The following TGFB2 variants were observed in gnomAD, a reference collection of about 807,000 sequenced individuals.
TGFB2 encodes transforming growth factor beta-2 proprotein.
TGFB2 carries 13 observed loss-of-function variants against 42.7 expected under a neutral mutation model. That is an observed-to-expected ratio of 0.30 (90% CI 0.20 to 0.48). The LOEUF is 0.48. Among genes scored for constraint, TGFB2 ranks in the 20% least tolerant of loss-of-function variants. TGFB2 has a pLI of 0.99. For missense variants in TGFB2, 390 were observed against 517.5 expected (o/e 0.75, Z 2.39); for synonymous variants, 193 against 193.6 (o/e 1.00, Z 0.03).
At position 218,405,304 on chromosome 1, in the gene TGFB2, T is replaced by G. The variant is rs1160416926; in HGVS notation, c.482T>G (p.Val161Gly). The G allele has an allele frequency of 6.2e-7, 1 of 1,613,980 alleles. No homozygotes were observed. The highest frequency in any genetic ancestry group is 8.5e-7 in the Non-Finnish European group (1 of 1,180,028). The change falls in exon 2 of 7, where the codon GTG becomes GGG. Residue 161 changes from valine (V) to glycine (G), a missense_variant. Physicochemically the swap from Val to Gly is moderately radical, Grantham distance 109. Coordinates refer to ENST00000366930, the MANE Select transcript of TGFB2 (RefSeq NM_003238.6). Reference protein sequence around the residue: ...VFRLQNPKARVPEQRIELYQI... With the variant: ...VFRLQNPKARGPEQRIELYQI... ...CGTTTGCAGAACCCAAAAGCCAGAG[T>G]GCCTGAACAACGGATTGAGCTATAT...
chr1:218,393,447 G>A (rs960258931), intron 1 of TGFB2, among the ~76,000 whole-genome samples: 2 of 152,182 alleles, frequency 1.3e-5, no homozygotes, highest in African/African-American at 4.8e-5. Context: ...TTCATTAAAG[G>A]AATCAACACA....
intron 1 of TGFB2, among the ~76,000 whole-genome samples, chr1:218,381,252 G>GT (rs1260759095): frequency 2.4e-4 from 31 of 129,404 alleles, no homozygotes; most frequent in African/African-American, 4.4e-4. Context: ...TTTTGTTTTT[G>GT]TTTTTGTTTT....
intron 1 of TGFB2, among the ~76,000 whole-genome samples, chr1:218,355,389 A>G (rs1275138525): frequency 6.6e-6 from 1 of 152,252 alleles, no homozygotes; most frequent in Non-Finnish European, 1.5e-5. Context: ...GAATTGTACC[A>G]AAGGAATCTC....
chr1:218,366,229 AT>A (rs1327777653), intron 1 of TGFB2, among the ~76,000 whole-genome samples: 33 of 152,274 alleles, frequency 2.2e-4, no homozygotes. Flanking sequence ...GGCAAATATA[AT>A]TTTTTAAAAA....
intron 1 of TGFB2, among the ~76,000 whole-genome samples, chr1:218,395,197 G>T (rs78625895): frequency 1.3e-5 from 2 of 152,264 alleles, no homozygotes; most frequent in African/African-American, 4.8e-5. Context: ...AATGTATGGG[G>T]ATCTGAAAGA....
chr1:218,441,496 C>A lies in TGFB2; in HGVS notation c.*134C>A. The A allele has an allele frequency of 2.2e-6, 2 of 894,296 alleles. No individual in the cohort carries two copies. The highest frequency in any genetic ancestry group is 3.2e-6 in the Non-Finnish European group (2 of 620,888). 55.4% of individuals were successfully genotyped at this position (894,296 alleles called of 1,614,324 possible). ...CAGTGTTAAAAAATTTTTGAAAAGG[C>A]GGTACTAGTTCAGACACTTTGGAAG... On this transcript the variant is annotated 3_prime_UTR_variant, in exon 7 of 7. Transcript: ENST00000366930.
chr1:218,409,088 C>T (rs543414773), intron 2 of TGFB2, among the ~76,000 whole-genome samples: 7 of 152,194 alleles, frequency 4.6e-5, no homozygotes, highest in South Asian at 2.1e-4. Flanking sequence ...AATCTAATGC[C>T]GCCGCTAATC....
chr1:218,434,528 A>G (rs1659910266), intron 4 of TGFB2, 80 bp downstream of exon 4: 1 of 902,458 alleles, frequency 1.1e-6, no homozygotes. Flanking sequence ...ATCAGTTTGC[A>G]TGTGAAAATG....
chr1:218,349,490 T>G (rs1424408711), intron 1 of TGFB2, among the ~76,000 whole-genome samples: 2 of 152,222 alleles, frequency 1.3e-5, no homozygotes, highest in Non-Finnish European at 2.9e-5. Flanking sequence ...GGAGTGTGCC[T>G]GTCATTCCTT....
intron 2 of TGFB2, among the ~76,000 whole-genome samples, chr1:218,417,929 T>C (rs1445992490): frequency 6.6e-6 from 1 of 152,202 alleles, no homozygotes; most frequent in Non-Finnish European, 1.5e-5. Flanking sequence ...TTTCAGAAGA[T>C]GTGTGGAAAT....
rs886045963 is a variant in TGFB2 at position 218,346,020 on chromosome 1, C to G, written c.-682C>G. 6.6e-6 allele frequency among the ~76,000 whole-genome samples: 1 copy of G among 151,590 alleles called. No individual in the cohort carries two copies. Among genetic ancestry groups the G allele is most frequent in the Non-Finnish European group, 1.5e-5 (1 of 67,924 alleles). On this transcript the variant is annotated 5_prime_UTR_variant, in exon 1 of 7. Transcript: ENST00000366930. This position sits in a 1 kb window ranked among gnomAD's most constrained non-coding sequence, Gnocchi z 4.9. ...GCCCTGCGAAGCGCACCCTCCTCCC[C>G]GCGGTGCGCTGGGCTCGCCCCCAGC... is the stretch of plus-strand genomic sequence containing the variant.
chr1:218,371,650 A>G (rs1400007267), intron 1 of TGFB2, among the ~76,000 whole-genome samples: 1 of 152,214 alleles, frequency 6.6e-6, no homozygotes, highest in Admixed American at 6.5e-5. Flanking sequence ...ATGCAGTGAT[A>G]TCTTTGAGCC....
intron 4 of TGFB2, 144 bp from the exon 5 acceptor site, chr1:218,435,826 C>T: frequency 1.3e-6 from 1 of 780,302 alleles, no homozygotes; most frequent in Non-Finnish European, 2.0e-6. Flanking sequence ...ATATCTATTT[C>T]CATGGGGAAT....
At position 218,442,656 on chromosome 1, in the gene TGFB2, G is replaced by A. The variant is rs1403919480; in HGVS notation, c.*1294G>A. 1.3e-5 allele frequency: 2 copies of A among 151,504 alleles called. No individual in the cohort carries two copies. The highest frequency in any genetic ancestry group is 1.9e-4 in the East Asian group (1 of 5,178). 9.4% of individuals were successfully genotyped at this position (151,504 alleles called of 1,614,324 possible). On this transcript the variant is annotated 3_prime_UTR_variant, in exon 7 of 7. Transcript: ENST00000366930. The stretch of plus-strand genomic sequence containing the variant: ...TCATTATTATGACATAAGCTACCTG[G>A]GTCCACTTGTCTTTTCTTTTTTTTG...
At chr1:218,373,566 T>C (rs1657644017) in intron 1 of TGFB2, among the ~76,000 whole-genome samples, 1 of 152,024 alleles carries the variant, frequency 6.6e-6, no homozygotes, top group Non-Finnish European at 1.5e-5. Flanking sequence ...ATTAGCACTA[T>C]ATATAAACAC....
At chr1:218,433,082 T>C (rs1230619298) in intron 2 of TGFB2, among the ~76,000 whole-genome samples, 1 of 152,058 alleles carries the variant, frequency 6.6e-6, no homozygotes, top group Non-Finnish European at 1.5e-5. Context: ...ATTTTTTTTG[T>C]TTTTGAGAGG....
chr1:218,405,357 T>TGTTGTC, intron 2 of TGFB2, 25 bp downstream of exon 2: 1 of 1,611,832 alleles, frequency 6.2e-7, no homozygotes, highest in South Asian at 1.1e-5. Flanking sequence ...TTGTTGTTGT[T>TGTTGTC]GTTGTTGTTG....
At chr1:218,376,025 T>C (rs1475498444) in intron 1 of TGFB2, among the ~76,000 whole-genome samples, 1 of 152,034 alleles carries the variant, frequency 6.6e-6, no homozygotes, top group Non-Finnish European at 1.5e-5. Context: ...GAAGGGGAAA[T>C]GAGGAGTTAC....
chr1:218,433,950 G>A (rs757288444), intron 2 of TGFB2, 132 bp from the exon 3 acceptor site: 6 of 1,206,560 alleles, frequency 5.0e-6, no homozygotes, highest in Non-Finnish European at 6.9e-6. Context: ...ATGCAATTGA[G>A]ATGACAATGC....
Sources: gnomAD v4.1 joint callset for allele counts (sites outside exome capture counted in the v4.1 genomes callset) on GRCh38, gnomAD v4.1.1 for gene constraint, Gnocchi (gnomAD v3.1) non-coding constraint, MANE v1.5 for transcripts, NCBI Gene and HGNC (gene_info 2026-07-23, HGNC 2026-07-21) for gene names.